CEP72: variants seen among roughly 807,000 people sequenced by gnomAD.
CEP72 encodes centrosomal protein of 72 kDa.
Under a neutral mutation model 65.7 loss-of-function variants are expected in CEP72, and 78 were observed. The ratio of observed to expected loss-of-function variants is 1.19; its 90% CI spans 0.99 to 1.43. CEP72 has a LOEUF of 1.43. CEP72 is among the 40% of genes most tolerant of loss of function. The pLI, the probability that CEP72 is intolerant of heterozygous loss-of-function variation, is 0.00. For synonymous variants in CEP72, 358 were observed against 351.7 expected (o/e 1.02, Z -0.20); for missense variants, 914 against 832.9 (o/e 1.10, Z -1.20).
chr5:618,913 C>A, intron 1 of CEP72, 77 bp from the exon 2 acceptor site: 2 of 1,192,524 alleles, frequency 1.7e-6, no homozygotes, highest in Non-Finnish European at 2.4e-6. Context: ...ACTCCATATC[C>A]AACACCAAGA....
chr5:613,102 T>G (rs1234019247), intron 1 of CEP72, among the ~76,000 whole-genome samples: 1 of 152,246 alleles, frequency 6.6e-6, no homozygotes, highest in Non-Finnish European at 1.5e-5. Flanking sequence ...ACCGCGAGTC[T>G]TGGCTGTGTG....
intron 3 of CEP72, among the ~76,000 whole-genome samples, chr5:620,943 G>C (rs1736350089): frequency 6.6e-6 from 1 of 152,192 alleles, no homozygotes; most frequent in Non-Finnish European, 1.5e-5. Context: ...TGTCTCTGCT[G>C]ACCCTACCCC....
At chr5:618,226 G>C (rs1398297609) in intron 1 of CEP72, among the ~76,000 whole-genome samples, 1 of 152,146 alleles carries the variant, frequency 6.6e-6, no homozygotes, top group Non-Finnish European at 1.5e-5. Context: ...TGGAGGTATT[G>C]TAGAGATAAA....
At chr5:639,694 A>G (rs1380155455) in intron 8 of CEP72, among the ~76,000 whole-genome samples, 1 of 152,184 alleles carries the variant, frequency 6.6e-6, no homozygotes, top group Non-Finnish European at 1.5e-5. Context: ...TCTACCAGGC[A>G]ACCCGTACAT....
Position 644,532 on chromosome 5 carries a change from G to T in CEP72, c.1666+107G>T. On this transcript the variant is annotated intron_variant, in intron 10 of 11. Coordinates refer to ENST00000264935, the MANE Select transcript of CEP72 (RefSeq NM_018140.4). ...CTGAGGGAAGTGAGCAGCAGCAGACGCAGTTGGTAAGTGGGGAGCCGAGCC... is the reference window on the plus strand; with the variant it reads ...CTGAGGGAAGTGAGCAGCAGCAGACTCAGTTGGTAAGTGGGGAGCCGAGCC... The T allele has an allele frequency of 6.7e-6, 9 of 1,339,794 alleles. No homozygotes were observed. The South Asian group carries it at 1.2e-4, about 17-fold the overall frequency. 83.0% of individuals were successfully genotyped at this position (1,339,794 alleles called of 1,614,324 possible).
chr5:647,137 A>G (rs1738480099), intron 10 of CEP72, among the ~76,000 whole-genome samples: 1 of 152,200 alleles, frequency 6.6e-6, no homozygotes, highest in Admixed American at 6.5e-5. Context: ...AGAGCCTGCC[A>G]TCCGTGTCAC....
the CEP72 span, among the ~76,000 whole-genome samples, chr5:672,589 G>C: frequency 0.012 from 1,847 of 152,346 alleles, 44 homozygotes; most frequent in African/African-American, 0.043. Flanking sequence ...CCAGAGGCTG[G>C]TGGTGTTTGG....
intron 4 of CEP72, among the ~76,000 whole-genome samples, chr5:626,852 C>T (rs1736791365): frequency 1.3e-5 from 2 of 152,192 alleles, no homozygotes; most frequent in Non-Finnish European, 2.9e-5. Flanking sequence ...TTGAGCCAGC[C>T]GTGCATACCT....
Position 645,810 on chromosome 5 carries a change from A to T in CEP72, c.1666+1385A>T, listed in dbSNP as rs1038675498. ...TAGCTCCCATTTATTTTAGTGTTTA[A>T]TGTTAGAGGTGTCTTGGTCTTTGGT... is the stretch of plus-strand genomic sequence containing the variant. On this transcript the variant is annotated intron_variant, in intron 10 of 11. Transcript: ENST00000264935. The surrounding 1 kb of genome is among the most constrained non-coding windows in gnomAD (Gnocchi z 4.0). Among the ~76,000 whole-genome samples the T allele has an allele frequency of 1.3e-5, 2 of 152,212 alleles. No individual in the cohort carries two copies. The highest frequency in any genetic ancestry group is 4.8e-5 in the African/African-American group (2 of 41,448).
chr5:627,416 C>CTAAA (rs70955261), intron 4 of CEP72, among the ~76,000 whole-genome samples: 102,320 of 151,588 alleles, frequency 0.67, 35,848 homozygotes, highest in African/African-American at 0.88. Context: ...ATTAGGGCTG[C>CTAAA]CCTGTACATG....
At chr5:644,153 C>T in intron 9 of CEP72, 146 bp from the exon 10 acceptor site, 3 of 866,408 alleles carry the variant, frequency 3.5e-6, no homozygotes, top group South Asian at 3.3e-5. Flanking sequence ...GGAGATGTAC[C>T]GTGAAACTGA....
intron 9 of CEP72, chr5:643,287 C>T (rs1002496313): frequency 5.1e-5 from 50 of 985,304 alleles, no homozygotes; most frequent in South Asian, 9.4e-5. Flanking sequence ...AACCATGAGA[C>T]GTGGCACTGC....
chr5:655,273 C>T (rs1025434693), downstream of CEP72, among the ~76,000 whole-genome samples: 1 of 151,890 alleles, frequency 6.6e-6, no homozygotes, highest in Non-Finnish European at 1.5e-5. This position sits in a 1 kb window ranked among gnomAD's most constrained non-coding sequence, Gnocchi z 5.0. Context: ...GCAGGAGAAT[C>T]GTTTGAACCT....
chr5:654,312 G>A (rs1241325504), downstream of CEP72, among the ~76,000 whole-genome samples: 2 of 150,212 alleles, frequency 1.3e-5, no homozygotes, highest in Non-Finnish European at 3.0e-5. Flanking sequence ...TGTGCTAGCT[G>A]TGTGTACGCT....
chr5:671,585 G>A (rs531239153), downstream of CEP72, among the ~76,000 whole-genome samples: 7 of 152,336 alleles, frequency 4.6e-5, no homozygotes, highest in East Asian at 9.6e-4. Flanking sequence ...GCCTGTCGCC[G>A]CACAGTGCTC....
chr5:643,113 G>A (rs1443158211), intron 9 of CEP72: 2 of 977,066 alleles, frequency 2.0e-6, no homozygotes, highest in African/African-American at 3.5e-5. Flanking sequence ...ATTTTGGGAG[G>A]TAGAGGCAGG....
At chr5:658,378 C>T (rs1739439484), downstream of CEP72, among the ~76,000 whole-genome samples, 1 of 152,228 alleles carries the variant, frequency 6.6e-6, no homozygotes. Context: ...CAGGGGCATT[C>T]CTCACCAGTG....
downstream of CEP72, chr5:653,599 A>G (rs890736195): frequency 1.3e-5 from 2 of 153,136 alleles, no homozygotes; most frequent in African/African-American, 4.8e-5. Flanking sequence ...TGAGTTTGTC[A>G]TTGAGTTTTT....
At position 629,093 on chromosome 5, in the gene CEP72, G is replaced by A. The variant is rs527561240; in HGVS notation, c.512+4514G>A. Among the ~76,000 whole-genome samples, 39 of 152,346 alleles carry A rather than the reference G, an allele frequency of 2.6e-4. No homozygotes were observed. The South Asian group carries it at 3.9e-3, about 15-fold the overall frequency. ...ATCATGAGCCACTCACAAAAGCAGC[G>A]TTCCTGGTCACTGCCCTTGGGTTTG... On this transcript the variant is annotated intron_variant, in intron 4 of 11. Transcript: ENST00000264935.
Sources: allele counts gnomAD v4.1 joint callset (sites outside exome capture counted in the v4.1 genomes callset), GRCh38; gene constraint gnomAD v4.1.1; non-coding constraint Gnocchi (gnomAD v3.1); transcripts MANE v1.5; gene names NCBI Gene and HGNC (gene_info 2026-07-23, HGNC 2026-07-21).